The following KIF1A variants were observed in gnomAD, a reference collection of about 807,000 sequenced individuals.
KIF1A encodes the protein kinesin family member 1A.
KIF1A carries 46 observed loss-of-function variants against 227.3 expected under a neutral mutation model. The ratio of observed to expected loss-of-function variants is 0.20; its 90% CI spans 0.16 to 0.26. The LOEUF (loss-of-function observed/expected upper bound fraction) is 0.26, where lower values mean the gene tolerates loss of function less well. Ranked by LOEUF, KIF1A falls within the 10% of genes least tolerant of loss-of-function variation. The pLI, the probability that KIF1A is intolerant of heterozygous loss-of-function variation, is 1.00. For synonymous variants in KIF1A, 1,022 were observed against 1,012.8 expected, an observed-to-expected ratio of 1.01 and a Z score of -0.17; for missense variants, 1,683 against 2,485.9, an observed-to-expected ratio of 0.68 and a Z score of 6.87.
rs80144764 is a variant in KIF1A, at chr2:240,726,615, A to G, written c.4122+211T>C. On this transcript the variant is annotated intron_variant, in intron 39 of 48. Transcript: ENST00000498729. This position sits in a 1 kb window ranked among gnomAD's most constrained non-coding sequence, Gnocchi z 5.2. ...GAGTGAGACTCGGTCTCAAAAACAAAAAAAAAACAGCACATGGATTTATGG... is the reference window on the plus strand; with the variant it reads ...GAGTGAGACTCGGTCTCAAAAACAAGAAAAAAACAGCACATGGATTTATGG... 0.014 allele frequency among the ~76,000 whole-genome samples: 2,161 copies of G among 152,314 alleles called. 26 individuals carry two copies. The highest frequency in any genetic ancestry group is 0.019 in the South Asian group (91 of 4,826).
chr2:240,721,330 C>T (rs1471041990), intron 44 of KIF1A, among the ~76,000 whole-genome samples: 1 of 152,268 alleles, frequency 6.6e-6, no homozygotes, highest in Non-Finnish European at 1.5e-5. Context: ...GCCTCCTGCC[C>T]ATGCCAGCGT....
chr2:240,723,835 C>A, intron 41 of KIF1A, 140 bp downstream of exon 41: 1 of 841,592 alleles, frequency 1.2e-6, no homozygotes, highest in South Asian at 1.4e-5. Context: ...CATCTCAGAA[C>A]AACTCCAGAA....
chr2:240,747,881 G>A (rs1208127513), intron 28 of KIF1A, among the ~76,000 whole-genome samples: 1 of 152,238 alleles, frequency 6.6e-6, no homozygotes, highest in Admixed American at 6.5e-5. Context: ...GTCCTGCCAT[G>A]GTCTGTGACA....
At chr2:240,748,252 C>T (rs760310275) in intron 28 of KIF1A, among the ~76,000 whole-genome samples, 14 of 152,206 alleles carry the variant, frequency 9.2e-5, no homozygotes, top group Non-Finnish European at 1.6e-4. Context: ...ACTGGCGACA[C>T]TCATCTGAGA....
chr2:240,804,493 G>A (rs1361772293), intron 1 of KIF1A, among the ~76,000 whole-genome samples: 1 of 152,220 alleles, frequency 6.6e-6, no homozygotes, highest in Non-Finnish European at 1.5e-5. Context: ...CAGGCATTTG[G>A]TGATACCAGA....
chr2:240,750,911 C>G (rs1166901476), intron 27 of KIF1A, among the ~76,000 whole-genome samples: 1 of 152,204 alleles, frequency 6.6e-6, no homozygotes, highest in African/African-American at 2.4e-5. Context: ...GCACTGCCCC[C>G]CTTTTCACAC....
At position 240,793,308 on chromosome 2, in the gene KIF1A, G is replaced by A. The variant is rs972402104; in HGVS notation, c.107-3996C>T. Among the ~76,000 whole-genome samples the A allele has an allele frequency of 1.3e-5, 2 of 152,190 alleles. No individual in the cohort carries two copies. Among genetic ancestry groups the A allele is most frequent in the Non-Finnish European group, 2.9e-5 (2 of 68,018 alleles). On this transcript the variant is annotated intron_variant, in intron 2 of 48. Coordinates refer to ENST00000498729, the MANE Select transcript of KIF1A (RefSeq NM_001244008.2). This position sits in a 1 kb window ranked among gnomAD's most constrained non-coding sequence, Gnocchi z 4.8. ...TGCAGATATGATTGGGGACCTCAGGGAGTACCCAGCACCACCCCTCACTAC... is the reference window on the plus strand; with the variant it reads ...TGCAGATATGATTGGGGACCTCAGGAAGTACCCAGCACCACCCCTCACTAC...
At chr2:240,819,347 C>A (rs1361988365) in intron 1 of KIF1A, among the ~76,000 whole-genome samples, 1 of 152,146 alleles carries the variant, frequency 6.6e-6, no homozygotes, top group African/African-American at 2.4e-5. Flanking sequence ...CCGGGCCACA[C>A]CTGTTACAGG....
rs555607987 is a variant in KIF1A at position 240,723,860 on chromosome 2, G to A, written c.4318+115C>T. 7.5e-6 allele frequency: 7 copies of A among 932,126 alleles called. No individual in the cohort carries two copies. In the African/African-American group the frequency reaches 8.1e-5, roughly 11 times the overall value. The allele number at this position is 932,126 out of a possible 1,614,324, so 57.7% of individuals were successfully genotyped here. Reference sequence around the variant, plus strand: ...CAACTCCAGAAGCCACAAGGTGAGTGCTTGGGTTCTGTGAGGGATCCCCCT... The same window carrying A: ...CAACTCCAGAAGCCACAAGGTGAGTACTTGGGTTCTGTGAGGGATCCCCCT... On this transcript the variant is annotated intron_variant, in intron 41 of 48. Transcript: ENST00000498729.
intron 2 of KIF1A, among the ~76,000 whole-genome samples, chr2:240,791,035 C>T (rs74704839): frequency 0.013 from 1,917 of 152,220 alleles, 48 homozygotes; most frequent in African/African-American, 0.043. Context: ...GTCCCACCTG[C>T]GCCCCCATCC....
intron 38 of KIF1A, among the ~76,000 whole-genome samples, chr2:240,733,662 A>C (rs1436549938): frequency 6.6e-6 from 1 of 152,084 alleles, no homozygotes; most frequent in Non-Finnish European, 1.5e-5. Context: ...TCGCAACACG[A>C]CCTGACAAGG....
At chr2:240,812,371 T>A (rs1417128625) in intron 1 of KIF1A, among the ~76,000 whole-genome samples, 1 of 152,162 alleles carries the variant, frequency 6.6e-6, no homozygotes, top group African/African-American at 2.4e-5. Context: ...GCACAGGCAC[T>A]CCCTGCCCAG....
chr2:240,820,396 C>T (rs988132887), upstream of KIF1A: 16 of 150,614 alleles, frequency 1.1e-4, no homozygotes, highest in Admixed American at 2.0e-4. The surrounding 1 kb of genome is among the most constrained non-coding windows in gnomAD (Gnocchi z 6.2). Context: ...CGGAGGGGGC[C>T]GGGGCCGGGC....
intron 2 of KIF1A, among the ~76,000 whole-genome samples, chr2:240,794,983 A>T (rs769812722): frequency 2.6e-5 from 4 of 152,130 alleles, no homozygotes; most frequent in Non-Finnish European, 5.9e-5. Flanking sequence ...CTCCACCCCT[A>T]CCCTGAGTCC....
intron 32 of KIF1A, 74 bp from the exon 33 acceptor site, chr2:240,744,134 G>T: frequency 9.6e-7 from 1 of 1,036,972 alleles, no homozygotes. Context: ...AGTCACATCA[G>T]TGAGCTAAGC....
chr2:240,761,703 G>A (rs113082860), intron 23 of KIF1A, among the ~76,000 whole-genome samples: 243 of 152,258 alleles, frequency 1.6e-3, no homozygotes, highest in African/African-American at 5.3e-3. Flanking sequence ...AGAAGAAACC[G>A]GCAGAGAGCT....
At chr2:240,748,025 A>G (rs1001303528) in intron 28 of KIF1A, among the ~76,000 whole-genome samples, 1 of 152,144 alleles carries the variant, frequency 6.6e-6, no homozygotes, top group Non-Finnish European at 1.5e-5. Context: ...TCCCTTCTCC[A>G]CCACCACAGC....
chr2:240,779,913 G>A (rs543020420), intron 10 of KIF1A, among the ~76,000 whole-genome samples: 2 of 151,748 alleles, frequency 1.3e-5, no homozygotes, highest in Admixed American at 6.6e-5. Context: ...GCCTCCCCAC[G>A]CCCCACGGTG....
At chr2:240,720,113 A>G in intron 45 of KIF1A, 187 bp from the exon 46 acceptor site, 1 of 504,138 alleles carries the variant, frequency 2.0e-6, no homozygotes, top group South Asian at 4.7e-5. Flanking sequence ...CTTGTGCCCG[A>G]TTCCAGGAAG....
Sources: allele counts gnomAD v4.1 joint callset (sites outside exome capture counted in the v4.1 genomes callset), GRCh38; gene constraint gnomAD v4.1.1; non-coding constraint Gnocchi (gnomAD v3.1); transcripts MANE v1.5; gene names NCBI Gene and HGNC (gene_info 2026-07-23, HGNC 2026-07-21).